NCOA2: variants seen among roughly 807,000 people sequenced by gnomAD.
NCOA2 encodes the protein nuclear receptor coactivator 2.
NCOA2 carries 21 observed loss-of-function variants against 145.1 expected under a neutral mutation model. The observed-to-expected ratio is 0.14, with a 90% CI of 0.10 to 0.21. The LOEUF (loss-of-function observed/expected upper bound fraction) is 0.21, where lower values mean the gene tolerates loss of function less well. Among genes scored for constraint, NCOA2 ranks in the 10% least tolerant of loss-of-function variants. The pLI is 1.00. For synonymous variants in NCOA2, 619 were observed against 637.5 expected, an observed-to-expected ratio of 0.97 and a Z score of 0.44; for missense variants, 1,472 against 1,837.6, an observed-to-expected ratio of 0.80 and a Z score of 3.64.
intron 2 of NCOA2, among the ~76,000 whole-genome samples, chr8:70,284,228 C>A (rs555501356): frequency 2.0e-5 from 3 of 152,290 alleles, no homozygotes; most frequent in Admixed American, 1.3e-4. Flanking sequence ...CTGGACGGTG[C>A]TTTCAAGTGA....
chr8:70,416,283 C>T, the NCOA2 span, among the ~76,000 whole-genome samples: 2 of 151,278 alleles, frequency 1.3e-5, no homozygotes, highest in Non-Finnish European at 2.9e-5. Context: ...TCTAAAATAC[C>T]TTCAGAGCAA....
intron 1 of NCOA2, among the ~76,000 whole-genome samples, chr8:70,298,011 T>C (rs987087931): frequency 5.9e-5 from 9 of 152,212 alleles, no homozygotes; most frequent in African/African-American, 1.7e-4. Flanking sequence ...TTAAGAATAA[T>C]TTTTAAAAAA....
intron 2 of NCOA2, among the ~76,000 whole-genome samples, chr8:70,263,571 A>C (rs905492908): frequency 2.0e-4 from 31 of 152,120 alleles, no homozygotes; most frequent in African/African-American, 7.2e-4. Flanking sequence ...TTCCACCTGA[A>C]GTATTTGGAA....
chr8:70,195,039 C>T (rs985893478), intron 4 of NCOA2, among the ~76,000 whole-genome samples: 5 of 152,132 alleles, frequency 3.3e-5, no homozygotes, highest in Non-Finnish European at 7.4e-5. Context: ...GGTTCTTCTT[C>T]TGTAAAATGG....
chr8:70,181,053 T>C (rs556657545), intron 4 of NCOA2, among the ~76,000 whole-genome samples: 1 of 152,370 alleles, frequency 6.6e-6, no homozygotes, highest in South Asian at 2.1e-4. Context: ...TTTGGTAGCT[T>C]ACTTAATCTC....
At chr8:70,255,615 G>A (rs1015488596) in intron 2 of NCOA2, among the ~76,000 whole-genome samples, 2 of 152,092 alleles carry the variant, frequency 1.3e-5, no homozygotes, top group African/African-American at 2.4e-5. Context: ...TATCACGTTC[G>A]GCACATACAC....
At chr8:70,363,187 T>C (rs1342431192) in intron 1 of NCOA2, among the ~76,000 whole-genome samples, 4 of 147,272 alleles carry the variant, frequency 2.7e-5, no homozygotes, top group Non-Finnish European at 6.0e-5. Context: ...ATCGAGACCA[T>C]CCTGGCTAAC....
intron 2 of NCOA2, among the ~76,000 whole-genome samples, chr8:70,255,266 T>G (rs1352650085): frequency 1.3e-5 from 2 of 152,124 alleles, no homozygotes; most frequent in African/African-American, 4.8e-5. Flanking sequence ...GTTTGGTAAG[T>G]GAAATTACCC....
intron 1 of NCOA2, among the ~76,000 whole-genome samples, chr8:70,370,542 A>G (rs754383535): frequency 7.9e-5 from 12 of 152,252 alleles, no homozygotes; most frequent in Non-Finnish European, 1.5e-4. Context: ...TCATTTAACT[A>G]TGACTGTGTC....
chr8:70,383,743 G>A (rs1323422064), intron 1 of NCOA2, among the ~76,000 whole-genome samples: 1 of 152,130 alleles, frequency 6.6e-6, no homozygotes, highest in Non-Finnish European at 1.5e-5. Flanking sequence ...GACCTCAGGT[G>A]ATCCGCCCAC....
intron 2 of NCOA2, among the ~76,000 whole-genome samples, chr8:70,225,911 G>A (rs1586170168): frequency 1.3e-5 from 2 of 152,076 alleles, no homozygotes; most frequent in Non-Finnish European, 2.9e-5. Context: ...TGTAAAACTG[G>A]AGCAATAATA....
At chr8:70,123,851 A>T (rs771196088) in intron 21 of NCOA2, 33 bp downstream of exon 21, 3 of 1,549,098 alleles carry the variant, frequency 1.9e-6, no homozygotes, top group Non-Finnish European at 1.8e-6. Context: ...CCGTGATATG[A>T]AGCCACTGGG....
chr8:70,217,001 T>C (rs935769950), intron 2 of NCOA2, among the ~76,000 whole-genome samples: 3 of 152,188 alleles, frequency 2.0e-5, no homozygotes, highest in African/African-American at 4.8e-5. Flanking sequence ...GCCTACCTCA[T>C]TGGGCCCAAA....
chr8:70,392,154 AC>A (rs1813267051), intron 1 of NCOA2, among the ~76,000 whole-genome samples: 1 of 152,212 alleles, frequency 6.6e-6, no homozygotes, highest in South Asian at 2.1e-4. Flanking sequence ...TCCTCCCTAA[AC>A]CCCAATACTT....
At chr8:70,442,022 GAA>G in the NCOA2 span, among the ~76,000 whole-genome samples, 1 of 134,274 alleles carries the variant, frequency 7.4e-6, no homozygotes, top group Admixed American at 7.4e-5. Flanking sequence ...AGGAAAGAAA[GAA>G]AGAGAAAAGA....
At chr8:70,182,508 C>G (rs1815599930) in intron 4 of NCOA2, among the ~76,000 whole-genome samples, 1 of 152,282 alleles carries the variant, frequency 6.6e-6, no homozygotes. Context: ...AGAGAAAGGA[C>G]AGCAACCAGA....
At chr8:70,281,474 G>C (rs1278400725) in intron 2 of NCOA2, among the ~76,000 whole-genome samples, 2 of 151,708 alleles carry the variant, frequency 1.3e-5, no homozygotes, top group Non-Finnish European at 2.9e-5. Flanking sequence ...AGCAGCTGGT[G>C]ATACAGAAAA....
At chr8:70,279,945 TC>T (rs1439979807) in intron 2 of NCOA2, among the ~76,000 whole-genome samples, 1 of 152,202 alleles carries the variant, frequency 6.6e-6, no homozygotes, top group African/African-American at 2.4e-5. Context: ...GCTTTGGACT[TC>T]CCACTTACAA....
intron 1 of NCOA2, among the ~76,000 whole-genome samples, chr8:70,402,892 A>G (rs904646304): frequency 6.6e-5 from 1 of 15,166 alleles, no homozygotes. Flanking sequence ...CCCCGCCCCC[A>G]CCACGGCCCG....
Sources: gnomAD v4.1 joint callset for allele counts (sites outside exome capture counted in the v4.1 genomes callset) on GRCh38, gnomAD v4.1.1 for gene constraint, MANE v1.5 for transcripts, NCBI Gene and HGNC (gene_info 2026-07-23, HGNC 2026-07-21) for gene names.